The following HS2ST1 variants were observed in gnomAD, a reference collection of about 807,000 sequenced individuals.
HS2ST1 encodes the protein heparan sulfate 2-O-sulfotransferase 1.
Under a neutral mutation model 42.9 loss-of-function variants are expected in HS2ST1, and 18 were observed. The ratio of observed to expected loss-of-function variants is 0.42; its 90% CI spans 0.29 to 0.62. HS2ST1 has a LOEUF of 0.62. Among genes scored for constraint, HS2ST1 ranks in the 20% least tolerant of loss-of-function variants. The pLI is 0.21. For missense variants in HS2ST1, 334 were observed against 433.8 expected (o/e 0.77, Z 2.04); for synonymous variants, 146 against 152.9 (o/e 0.95, Z 0.33).
chr1:87,040,670 A>C (rs1410462427), intron 1 of HS2ST1, among the ~76,000 whole-genome samples: 1 of 152,152 alleles, frequency 6.6e-6, no homozygotes, highest in African/African-American at 2.4e-5. Context: ...CTGCTTATAG[A>C]ATGTTAGCAG....
At chr1:86,992,526 C>T (rs2100561627) in intron 1 of HS2ST1, among the ~76,000 whole-genome samples, 1 of 152,172 alleles carries the variant, frequency 6.6e-6, no homozygotes, top group South Asian at 2.1e-4. Flanking sequence ...GCCACCACGC[C>T]TGGCTAATTT....
At chr1:87,046,492 T>C in intron 1 of HS2ST1, 1 of 1,233,744 alleles carries the variant, frequency 8.1e-7, no homozygotes, top group Non-Finnish European at 1.2e-6. Flanking sequence ...CTAAATCAAC[T>C]GGATATAATC....
chr1:87,082,583 T>G (rs1402130214), intron 2 of HS2ST1, among the ~76,000 whole-genome samples: 3 of 152,200 alleles, frequency 2.0e-5, no homozygotes, highest in African/African-American at 7.2e-5. Flanking sequence ...TTCCTCTCAT[T>G]TTTGGCTGAA....
chr1:86,964,780 A>T (rs1414844342), intron 1 of HS2ST1, among the ~76,000 whole-genome samples: 2 of 152,226 alleles, frequency 1.3e-5, no homozygotes, highest in Non-Finnish European at 2.9e-5. Flanking sequence ...GTGACAGGTG[A>T]TTCAGTGCCA....
chr1:86,921,215 T>C (rs1003462818), intron 1 of HS2ST1, among the ~76,000 whole-genome samples: 5 of 152,194 alleles, frequency 3.3e-5, no homozygotes, highest in Non-Finnish European at 4.4e-5. Flanking sequence ...TATTCTTGAT[T>C]TTTTTCTGCC....
chr1:86,939,614 A>G lies in HS2ST1; in HGVS notation c.124+24454A>G, dbSNP rs182938426. Among the ~76,000 whole-genome samples, 589 of 152,264 alleles carry G rather than the reference A, an allele frequency of 3.9e-3. 5 individuals carry two copies. The highest frequency in any genetic ancestry group is 0.013 in the African/African-American group (558 of 41,546). On this transcript the variant is annotated intron_variant, in intron 1 of 6. Transcript: ENST00000370550. ...TAAAAAATGCTGGTGCATGTGTCCC[A>G]CCCTTGGAAGATTGATTGATTGCCT...
At chr1:87,062,859 C>G (rs111613960) in intron 1 of HS2ST1, among the ~76,000 whole-genome samples, 26 of 152,104 alleles carry the variant, frequency 1.7e-4, no homozygotes, top group Non-Finnish European at 3.8e-4. Context: ...CCTATTGGCT[C>G]CATGGTTCGT....
At chr1:86,978,501 A>C (rs1485058603) in intron 1 of HS2ST1, among the ~76,000 whole-genome samples, 2 of 152,176 alleles carry the variant, frequency 1.3e-5, no homozygotes, top group African/African-American at 4.8e-5. Flanking sequence ...ATCCTTAATA[A>C]ATGTCCTTTT....
chr1:87,002,186 A>T (rs1649309392), intron 1 of HS2ST1, among the ~76,000 whole-genome samples: 1 of 152,204 alleles, frequency 6.6e-6, no homozygotes, highest in Non-Finnish European at 1.5e-5. Flanking sequence ...TGCTGGGATT[A>T]CAGGCGTGAG....
At chr1:86,990,977 C>A (rs971878276) in intron 1 of HS2ST1, among the ~76,000 whole-genome samples, 1 of 148,088 alleles carries the variant, frequency 6.8e-6, no homozygotes, top group Non-Finnish European at 1.5e-5. Context: ...CCCAGCTGGA[C>A]CCTGTCCAGT....
At chr1:86,956,662 A>T (rs999268239) in intron 1 of HS2ST1, 1 of 152,042 alleles carries the variant, frequency 6.6e-6, no homozygotes, top group African/African-American at 2.4e-5. Context: ...CCTTGATTTT[A>T]TGTTATTAGA....
At chr1:87,020,648 A>C (rs1054359002) in intron 1 of HS2ST1, among the ~76,000 whole-genome samples, 6 of 152,184 alleles carry the variant, frequency 3.9e-5, no homozygotes, top group African/African-American at 1.4e-4. Flanking sequence ...TTTGAGATCA[A>C]GGAGATCAAG....
At chr1:87,073,193 G>A in intron 2 of HS2ST1, 21 bp downstream of exon 2, 1 of 1,494,004 alleles carries the variant, frequency 6.7e-7, no homozygotes, top group African/African-American at 1.4e-5. Flanking sequence ...CTTAAGGAAT[G>A]CCCAAATATT....
intron 1 of HS2ST1, among the ~76,000 whole-genome samples, chr1:87,049,961 CTT>C (rs1447005605): frequency 6.6e-6 from 1 of 151,926 alleles, no homozygotes; most frequent in Non-Finnish European, 1.5e-5. Flanking sequence ...ATTGTTATGT[CTT>C]TTTGATAAAT....
chr1:87,045,557 A>G (rs1343217805), intron 1 of HS2ST1: 4 of 796,920 alleles, frequency 5.0e-6, no homozygotes, highest in Admixed American at 1.7e-5. Flanking sequence ...CCAGTGCACA[A>G]GGCACAAGAA....
chr1:86,915,215 T>G (rs1660118879), intron 1 of HS2ST1, 55 bp downstream of exon 1: 2 of 1,552,334 alleles, frequency 1.3e-6, no homozygotes, highest in Middle Eastern at 3.5e-4. Flanking sequence ...GAGGAGGCGC[T>G]GCCGCCGGAG....
At chr1:86,921,128 G>A (rs1489487211) in intron 1 of HS2ST1, among the ~76,000 whole-genome samples, 8 of 152,116 alleles carry the variant, frequency 5.3e-5, no homozygotes, top group Admixed American at 3.3e-4. Context: ...CCAGGTGAAC[G>A]TGAAAAATAT....
At chr1:86,964,187 C>T (rs1483334203) in intron 1 of HS2ST1, among the ~76,000 whole-genome samples, 5 of 152,072 alleles carry the variant, frequency 3.3e-5, no homozygotes, top group African/African-American at 7.2e-5. Flanking sequence ...CCTCACTTCC[C>T]AGACGATGGG....
intron 1 of HS2ST1, among the ~76,000 whole-genome samples, chr1:86,931,368 T>C (rs1660535481): frequency 6.6e-6 from 1 of 152,070 alleles, no homozygotes; most frequent in South Asian, 2.1e-4. Context: ...TTATTTTAAT[T>C]TTGTAGCCCA....
Sources: gnomAD v4.1 joint callset for allele counts (sites outside exome capture counted in the v4.1 genomes callset) on GRCh38, gnomAD v4.1.1 for gene constraint, MANE v1.5 for transcripts, NCBI Gene and HGNC (gene_info 2026-07-23, HGNC 2026-07-21) for gene names.